ASTN2: variants seen among roughly 807,000 people sequenced by gnomAD.
ASTN2 encodes the protein astrotactin-2.
Under a neutral mutation model 139.8 loss-of-function variants are expected in ASTN2, and 54 were observed. That is an observed-to-expected ratio of 0.39 (90% CI 0.31 to 0.48). The LOEUF is 0.48. Ranked by LOEUF, ASTN2 falls within the 20% of genes least tolerant of loss-of-function variation. The pLI is 0.95. For synonymous variants in ASTN2, 756 were observed against 719.5 expected (o/e 1.05, Z -0.81); for missense variants, 1,565 against 1,725.1 (o/e 0.91, Z 1.64).
At chr9:117,263,254 C>T (rs1190467097) in intron 2 of ASTN2, among the ~76,000 whole-genome samples, 1 of 151,932 alleles carries the variant, frequency 6.6e-6, no homozygotes, top group African/African-American at 2.4e-5. Flanking sequence ...GAGATTTTGC[C>T]CAAAAATGAA....
At chr9:116,662,153 T>C (rs1051063406) in intron 16 of ASTN2, among the ~76,000 whole-genome samples, 3 of 152,108 alleles carry the variant, frequency 2.0e-5, no homozygotes, top group Non-Finnish European at 4.4e-5. Context: ...CTAATTCATA[T>C]AAGAGGTAAC....
intron 13 of ASTN2, among the ~76,000 whole-genome samples, chr9:116,775,985 C>T (rs1056699566): frequency 2.3e-4 from 35 of 152,152 alleles, no homozygotes; most frequent in African/African-American, 8.0e-4. Context: ...AGCATCTCTA[C>T]GTATGATTGT....
intron 19 of ASTN2, among the ~76,000 whole-genome samples, chr9:116,527,879 T>C (rs140519426): frequency 3.5e-4 from 54 of 152,280 alleles, no homozygotes; most frequent in African/African-American, 1.2e-3. Context: ...TTGCTTCTCC[T>C]ACACCTTCCA....
intron 6 of ASTN2, among the ~76,000 whole-genome samples, chr9:117,010,627 G>T (rs917331218): frequency 1.3e-5 from 2 of 152,156 alleles, no homozygotes; most frequent in African/African-American, 4.8e-5. Flanking sequence ...TTGATATAAA[G>T]ATTACATAAG....
intron 20 of ASTN2, among the ~76,000 whole-genome samples, chr9:116,450,792 A>G (rs958698393): frequency 1.3e-5 from 2 of 152,268 alleles, no homozygotes; most frequent in South Asian, 4.2e-4. Context: ...GAGCACCAGA[A>G]CCCAACTTTC....
At chr9:117,026,235 A>G (rs1333494383) in intron 6 of ASTN2, among the ~76,000 whole-genome samples, 1 of 152,116 alleles carries the variant, frequency 6.6e-6, no homozygotes, top group East Asian at 1.9e-4. Context: ...ACCATGGGCC[A>G]GGCCCTTGAA....
rs957495294 is a variant in ASTN2 at position 116,871,172 on chromosome 9, C to T, written c.1890-7439G>A. On this transcript the variant is annotated intron_variant, in intron 10 of 22. Coordinates refer to ENST00000313400, the MANE Select transcript of ASTN2 (RefSeq NM_001365068.1). ...ACTCAGGAAGCTGAGGCAGGAGAAT[C>T]GCTTGAATCAGGGAGGCAGAGGTTG... Among the ~76,000 whole-genome samples, 20 of 152,216 alleles carry T rather than the reference C, an allele frequency of 1.3e-4. No individual in the cohort carries two copies. The East Asian group carries it at 1.4e-3, about 10-fold the overall frequency.
chr9:117,039,753 C>T, intron 6 of ASTN2, 66 bp downstream of exon 6: 17 of 1,520,618 alleles, frequency 1.1e-5, no homozygotes, highest in South Asian at 1.3e-5. Context: ...TACACAGAAA[C>T]CTTTGACCAG....
At chr9:116,853,408 T>C (rs1832662057) in intron 11 of ASTN2, among the ~76,000 whole-genome samples, 1 of 152,198 alleles carries the variant, frequency 6.6e-6, no homozygotes, top group Non-Finnish European at 1.5e-5. Flanking sequence ...GGAGAAGGTG[T>C]CTGATGATCA....
chr9:117,111,074 T>A (rs1829237102), intron 4 of ASTN2, among the ~76,000 whole-genome samples: 1 of 152,142 alleles, frequency 6.6e-6, no homozygotes, highest in Non-Finnish European at 1.5e-5. Context: ...ACAGCTGAAG[T>A]CCAACCAAAT....
intron 3 of ASTN2, among the ~76,000 whole-genome samples, chr9:117,156,170 C>T (rs1178772423): frequency 1.3e-5 from 2 of 151,918 alleles, no homozygotes; most frequent in African/African-American, 4.8e-5. Flanking sequence ...ATAGCTGCAC[C>T]CCAGGCTCCA....
intron 13 of ASTN2, among the ~76,000 whole-genome samples, chr9:116,803,502 ATATATATATATATATATATATTTTTT>A (rs1830932884): frequency 4.8e-4 from 4 of 8,340 alleles, no homozygotes; most frequent in South Asian, 5.4e-3. Context: ...ATATATATAT[ATATATATATATATATATATATTTTTT>A]TTTTTTTTTT....
chr9:116,938,491 G>A (rs1004183534), intron 10 of ASTN2, among the ~76,000 whole-genome samples: 1 of 152,126 alleles, frequency 6.6e-6, no homozygotes, highest in African/African-American at 2.4e-5. Context: ...GCGGATCAAC[G>A]GCACTGCCCT....
At chr9:117,025,360 C>G (rs193266691) in intron 6 of ASTN2, among the ~76,000 whole-genome samples, 1 of 152,160 alleles carries the variant, frequency 6.6e-6, no homozygotes, top group Non-Finnish European at 1.5e-5. Context: ...CATGCCCCCC[C>G]TTTTGGGGTA....
At chr9:116,905,378 C>T in intron 10 of ASTN2, among the ~76,000 whole-genome samples, 1 of 152,150 alleles carries the variant, frequency 6.6e-6, no homozygotes, top group East Asian at 1.9e-4. Context: ...CCTGACGAAT[C>T]CGCCAAGAAA....
At chr9:117,399,987 T>G (rs925649171) in intron 1 of ASTN2, among the ~76,000 whole-genome samples, 12 of 152,222 alleles carry the variant, frequency 7.9e-5, no homozygotes, top group African/African-American at 2.9e-4. Flanking sequence ...ATTTATTCAT[T>G]CAACAAATAT....
At chr9:117,020,684 A>T (rs527531244) in intron 6 of ASTN2, among the ~76,000 whole-genome samples, 1 of 152,254 alleles carries the variant, frequency 6.6e-6, no homozygotes, top group South Asian at 2.1e-4. Flanking sequence ...GGCAAGATTT[A>T]GGGCATGCTG....
intron 5 of ASTN2, among the ~76,000 whole-genome samples, chr9:117,044,755 A>G (rs1838682866): frequency 6.6e-6 from 1 of 152,174 alleles, no homozygotes; most frequent in South Asian, 2.1e-4. Context: ...GCCGATTTTT[A>G]TTGAACATCA....
intron 10 of ASTN2, among the ~76,000 whole-genome samples, chr9:116,927,617 G>A (rs1173309973): frequency 1.3e-5 from 2 of 152,178 alleles, no homozygotes; most frequent in Non-Finnish European, 1.5e-5. Context: ...TCTGTACTAG[G>A]TGGTCCTTCT....
Sources: gnomAD v4.1 joint callset for allele counts (sites outside exome capture counted in the v4.1 genomes callset) on GRCh38, gnomAD v4.1.1 for gene constraint, MANE v1.5 for transcripts, NCBI Gene and HGNC (gene_info 2026-07-23, HGNC 2026-07-21) for gene names.